The following TTN variants were observed in gnomAD, a reference collection of about 807,000 sequenced individuals.
The protein encoded by TTN is titin.
A neutral mutation model predicts 3,223.0 loss-of-function variants in TTN; 1,525 were observed. That is an observed-to-expected ratio of 0.47 (90% CI 0.45 to 0.49). The LOEUF (loss-of-function observed/expected upper bound fraction) is 0.49. Among genes scored for constraint, TTN ranks in the 20% least tolerant of loss-of-function variants. The pLI is 0.00. For synonymous variants in TTN, 14,094 were observed against 15,161.0 expected, an observed-to-expected ratio of 0.93 and a Z score of 5.17; for missense variants, 40,786 against 43,424.0, an observed-to-expected ratio of 0.94 and a Z score of 5.40.
In TTN at chr2:178,738,066, A is replaced by G; in HGVS notation, c.14371+16T>C. ...GAAATGAAGTGACAACATCTGTGCC[A>G]ATGTATGGCATTTACCTGTCACAGT... On this transcript the variant is annotated intron_variant, in intron 49 of 362. Transcript: ENST00000589042. 1 of 1,607,446 alleles carries G rather than the reference A, an allele frequency of 6.2e-7. No individual in the cohort carries two copies. Among genetic ancestry groups the G allele is most frequent in the Non-Finnish European group, 8.5e-7 (1 of 1,175,090 alleles).
rs769497982 is a variant in TTN, at chr2:178,565,951, T to A, written c.80181A>T (p.Arg26727Ser). Residue 26727 changes from arginine to serine, a missense_variant, in exon 326 of 363, where the codon AGA (arginine) becomes AGT (serine). Coordinates refer to ENST00000589042, the MANE Select transcript of TTN (RefSeq NM_001267550.2). ...NYVIDKREST[R>S]KAYANVSSKC... ...TACTACTCACATTAGCATACGCTTT[T>A]CTGGTTGACTCACGTTTGTCAATCA... is the stretch of plus-strand genomic sequence containing the variant. 28 of 1,613,538 alleles carry A rather than the reference T, an allele frequency of 1.7e-5. No homozygotes were observed. The highest frequency in any genetic ancestry group is 2.5e-6 in the Non-Finnish European group (3 of 1,179,676).
rs2065529814 is a variant in TTN, at chr2:178,664,515, A to G, written c.36225T>C (p.Val12075=). Reference sequence around the variant, plus strand: ...GAGGATGCACTTTCTTTTCCGGGACAACTTCTCTGAGAGCCTCCGGCACTT... The same window carrying G: ...GAGGATGCACTTTCTTTTCCGGGACGACTTCTCTGAGAGCCTCCGGCACTT... ...PDEVPEALRE[V]VPEKKVHPPQ... Residue 12075 remains valine, a synonymous_variant, in exon 168 of 363, where the codon GTT becomes GTC. Coordinates refer to ENST00000589042, the MANE Select transcript of TTN (RefSeq NM_001267550.2). The G allele has an allele frequency of 6.2e-7, 1 of 1,612,190 alleles. No individual in the cohort carries two copies. Among genetic ancestry groups the G allele is most frequent in the African/African-American group, 1.3e-5 (1 of 74,910 alleles).
rs80340917 is a variant in TTN, at chr2:178,752,911, A to G, written c.11311+213T>C. The stretch of plus-strand genomic sequence containing the variant: ...TTGGCTGATAAATTTTAAATACAAA[A>G]TTTTAAATTAACTTACAATAAATTA... On this transcript the variant is annotated intron_variant, in intron 47 of 362. Transcript: ENST00000589042. Among the ~76,000 whole-genome samples the G allele has an allele frequency of 0.014, 2,175 of 152,170 alleles. 19 individuals carry two copies. Among genetic ancestry groups the G allele is most frequent in the Admixed American group, 0.022 (337 of 15,276 alleles).
rs776659415 is a variant in TTN, at chr2:178,551,799, A to G, written c.91101T>C (p.Asn30367=). The G allele has an allele frequency of 1.2e-6, 2 of 1,613,590 alleles. No individual in the cohort carries two copies. Among genetic ancestry groups the G allele is most frequent in the East Asian group, 2.2e-5 (1 of 44,860 alleles). ...TATTAACTTTTTGCCAGAGGATGCT[A>G]TTTCTTTCTTTCTTTTCAACATGGA... ...TGFHVEKKER[N]SILWQKVNTS... The change falls in exon 335 of 363, where the codon AAT becomes AAC. Residue 30367 remains asparagine, a synonymous_variant. Transcript: ENST00000589042.
chr2:178,552,965 TTC>T lies in TTN; in HGVS notation c.89933_89934del (p.Arg29978AsnfsTer11). ...YVIEKRDATK[R>X]TWSVVSHKCS... is the part of the protein sequence containing the mutation. Reference sequence around the variant, plus strand: ...CATTTGTGTGACACGACAGACCATGTTCTCTTGGTGGCATCTCTCTTTTCAAT... The same window carrying T: ...CATTTGTGTGACACGACAGACCATGTTCTTGGTGGCATCTCTCTTTTCAAT... On this transcript the variant is annotated frameshift_variant, in exon 335 of 363. Transcript: ENST00000589042. LOFTEE classifies it high-confidence loss of function. 6.2e-7 allele frequency: 1 copy of T among 1,613,112 alleles called. No individual in the cohort carries two copies.
chr2:178,667,125 C>T, intron 162 of TTN, 111 bp downstream of exon 162: 1 of 1,100,802 alleles, frequency 9.1e-7, no homozygotes, highest in South Asian at 1.7e-5. Flanking sequence ...ATCCTTTAAA[C>T]ACAGTATTTT....
rs746800387 is a variant in TTN, at chr2:178,531,179, C to G, written c.105436G>C (p.Ala35146Pro). 1 of 1,613,908 alleles carries G rather than the reference C, an allele frequency of 6.2e-7. No individual in the cohort carries two copies. Among genetic ancestry groups the G allele is most frequent in the African/African-American group, 1.3e-5 (1 of 74,938 alleles). The change falls in exon 358 of 363, where the codon GCA (alanine) becomes CCA (proline). Residue 35146 changes from alanine to proline, a missense_variant. Coordinates refer to ENST00000589042, the MANE Select transcript of TTN (RefSeq NM_001267550.2). ...CCATCGGTGTCACAAGAAAACCTTG[C>G]AGACTCGCCCTCGTAGACGGTCATG... Reference protein sequence around the residue: ...RSMTVYEGESARFSCDTDGEP... With the variant: ...RSMTVYEGESPRFSCDTDGEP...
At position 178,607,874 on chromosome 2, in the gene TTN, G is replaced by A; in HGVS notation, c.52913C>T (p.Ala17638Val). The A allele has an allele frequency of 6.2e-7, 1 of 1,613,014 alleles. No homozygotes were observed. Among genetic ancestry groups the A allele is most frequent in the Non-Finnish European group, 8.5e-7 (1 of 1,179,328 alleles). ...QYTVKEIREG[A>V]DYKLRVSAVN... ...AGCACTCACCCGAAGTTTGTAATCAGCACCCTCTCGGATTTCTTTGACGGT... is the reference window on the plus strand; with the variant it reads ...AGCACTCACCCGAAGTTTGTAATCAACACCCTCTCGGATTTCTTTGACGGT... The change falls in exon 276 of 363, where the codon GCT (alanine) becomes GTT (valine). Residue 17638 changes from alanine to valine, a missense_variant. Coordinates refer to ENST00000589042, the MANE Select transcript of TTN (RefSeq NM_001267550.2).
chr2:178,593,803 GA>G lies in TTN; in HGVS notation c.58496del (p.Ile19499ThrfsTer7). The G allele has an allele frequency of 6.2e-7, 1 of 1,612,980 alleles. No individual in the cohort carries two copies. Among genetic ancestry groups the G allele is most frequent in the African/African-American group, 1.3e-5 (1 of 74,966 alleles). On this transcript the variant is annotated frameshift_variant, in exon 298 of 363. Coordinates refer to ENST00000589042, the MANE Select transcript of TTN (RefSeq NM_001267550.2). LOFTEE classifies it high-confidence loss of function. ...FDEVTKDYMV[I>X]SWKPPLDDGG... ...CATCATCTAAAGGAGGCTTCCAAGA[GA>G]TAACCATGTAATCTTTGGTCACCTC...
At position 178,552,152 on chromosome 2, in the gene TTN, C is replaced by T. The variant is rs200651247; in HGVS notation, c.90748G>A (p.Glu30250Lys). The T allele has an allele frequency of 1.1e-4, 181 of 1,613,718 alleles. No homozygotes were observed. The highest frequency in any genetic ancestry group is 1.4e-4 in the Non-Finnish European group (170 of 1,179,818). The change falls in exon 335 of 363, where the codon GAA (glutamate) becomes AAA (lysine). Residue 30250 changes from glutamate to lysine, a missense_variant. Physicochemically the swap from Glu to Lys is moderately conservative, Grantham distance 56. Transcript: ENST00000589042. ...GTAATTTCTCCTCCTCCATTATCTT[C>T]AGGTACATCCCATGACAGGATGACA... ...DSVILSWDVP[E>K]DNGGGEITCY...
chr2:178,612,714 G>C, intron 265 of TTN, 59 bp downstream of exon 265: 1 of 1,555,464 alleles, frequency 6.4e-7, no homozygotes, highest in Non-Finnish European at 8.6e-7. Context: ...TTCTCATATC[G>C]TAGCTCACAG....
Position 178,604,816 on chromosome 2 carries a change from A to T in TTN, c.54273T>A (p.Asp18091Glu), listed in dbSNP as rs2054393920. ...AATGGGTGATTTCACTGCCACCATT[A>T]TCAAGAGGGGCATCCCATGTCAAGT... is the stretch of plus-strand genomic sequence containing the variant. ...SCYLTWDAPL[D>E]NGGSEITHYV... The change falls in exon 281 of 363, where the codon GAT becomes GAA. Residue 18091 changes from aspartate to glutamate, a missense_variant. Transcript: ENST00000589042. 4.3e-6 allele frequency: 7 copies of T among 1,612,502 alleles called. No homozygotes were observed. In the East Asian group the frequency reaches 1.6e-4, roughly 36 times the overall value.
Position 178,552,394 on chromosome 2 carries a change from C to A in TTN, c.90506G>T (p.Gly30169Val). The change falls in exon 335 of 363, where the codon GGC (glycine) becomes GTC (valine). Residue 30169 changes from glycine (G) to valine (V), a missense_variant. Transcript: ENST00000589042. ...AAATTCACTTTCTTTCAGTGGCAAG[C>A]CATCTTTCAGCCAACTGATGGATGG... ...PKPSISWLKDGLPLKESEFVR... is the reference protein window; with the variant it reads ...PKPSISWLKDVLPLKESEFVR... 6.3e-7 allele frequency: 1 copy of A among 1,591,542 alleles called. No individual in the cohort carries two copies. The highest frequency in any genetic ancestry group is 8.6e-7 in the Non-Finnish European group (1 of 1,166,788).
chr2:178,640,177 T>A, intron 221 of TTN, 67 bp from the exon 222 acceptor site: 1 of 1,452,842 alleles, frequency 6.9e-7, no homozygotes, highest in Non-Finnish European at 9.5e-7. Context: ...AAGTCAAAAC[T>A]AAAATTAAGC....
rs368282893 is a variant in TTN at position 178,782,297 on chromosome 2, C to T, written c.3295G>A (p.Val1099Met). 95 of 1,614,094 alleles carry T rather than the reference C, an allele frequency of 5.9e-5. No individual in the cohort carries two copies. Among genetic ancestry groups the T allele is most frequent in the Middle Eastern group, 4.9e-4 (3 of 6,062 alleles). Reference protein sequence around the residue: ...VVQKLVEGGSVVFGCQVGGNP... With the variant: ...VVQKLVEGGSMVFGCQVGGNP... ...CCGCCAACTTGGCATCCAAACACCA[C>T]GCTCCCACCTTCCACCAGTTTCTGG... Residue 1099 changes from valine to methionine, a missense_variant, in exon 20 of 363, where the codon GTG becomes ATG. By Grantham distance (21) the Val-to-Met change is conservative. Transcript: ENST00000589042.
At position 178,616,219 on chromosome 2, in the gene TTN, G is replaced by T. The variant is rs549300198; in HGVS notation, c.48312+260C>A. On this transcript the variant is annotated intron_variant, in intron 257 of 362. Coordinates refer to ENST00000589042, the MANE Select transcript of TTN (RefSeq NM_001267550.2). Reference sequence around the variant, plus strand: ...TGGGTACATATTGGGTACTTAGCAGGTACCAAGTCAGTAGGGAATTTTTTT... The same window carrying T: ...TGGGTACATATTGGGTACTTAGCAGTTACCAAGTCAGTAGGGAATTTTTTT... Among the ~76,000 whole-genome samples, 7 of 151,922 alleles carry T rather than the reference G, an allele frequency of 4.6e-5. No individual in the cohort carries two copies. The East Asian group carries it at 5.9e-4, about 13-fold the overall frequency.
chr2:178,704,457 G>T (rs1325255635), intron 105 of TTN, 50 bp from the exon 106 acceptor site: 4 of 1,599,328 alleles, frequency 2.5e-6, no homozygotes, highest in Non-Finnish European at 3.4e-6. Context: ...ACGCAGATGT[G>T]CTCAACAGTA....
At position 178,549,683 on chromosome 2, in the gene TTN, G is replaced by T. The variant is rs2154148406; in HGVS notation, c.92039C>A (p.Thr30680Asn). 2 of 1,613,838 alleles carry T rather than the reference G, an allele frequency of 1.2e-6. No homozygotes were observed. The highest frequency in any genetic ancestry group is 4.5e-5 in the East Asian group (2 of 44,868). Residue 30680 changes from threonine to asparagine, a missense_variant, in exon 338 of 363, where the codon ACT becomes AAT. Transcript: ENST00000589042. ...IEDKCEAQSY[T>N]AIKLINGNEY... is the part of the protein sequence containing the mutation. Reference sequence around the variant, plus strand: ...ATTGCCGTTTATTAGTTTAATGGCAGTGTAACTTTGGGCTTCACATTTATC... The same window carrying T: ...ATTGCCGTTTATTAGTTTAATGGCATTGTAACTTTGGGCTTCACATTTATC...
intron 153 of TTN, 35 bp from the exon 154 acceptor site, chr2:178,672,516 G>A (rs781524570): frequency 1.6e-5 from 25 of 1,601,744 alleles, no homozygotes; most frequent in African/African-American, 6.7e-5. Flanking sequence ...TAGGACTGTC[G>A]AGAGCAAGCT....
Sources: gnomAD v4.1 joint callset for allele counts (sites outside exome capture counted in the v4.1 genomes callset) on GRCh38, gnomAD v4.1.1 for gene constraint, MANE v1.5 for transcripts, NCBI Gene and HGNC (gene_info 2026-07-23, HGNC 2026-07-21) for gene names.